Variants in CPVL observed in about 807,000 individuals in gnomAD.
The protein encoded by CPVL is carboxypeptidase vitellogenic like, also known as probable serine carboxypeptidase CPVL.
Under a neutral mutation model 63.7 loss-of-function variants are expected in CPVL, and 51 were observed. The ratio of observed to expected loss-of-function variants is 0.80; its 90% CI spans 0.64 to 1.01. The LOEUF is 1.01. Among genes scored for constraint, CPVL ranks in the 50% least tolerant of loss-of-function variants. The pLI, the probability that CPVL is intolerant of heterozygous loss-of-function variation, is 0.00. For missense variants in CPVL, 530 were observed against 573.1 expected (o/e 0.92, Z 0.77); for synonymous variants, 195 against 206.0 (o/e 0.95, Z 0.46).
intron 11 of CPVL, among the ~76,000 whole-genome samples, chr7:29,047,223 G>C (rs142164914): frequency 3.8e-4 from 58 of 152,252 alleles, no homozygotes; most frequent in African/African-American, 1.3e-3. Context: ...AATGCAAAGG[G>C]AGCCATTTGC....
At chr7:29,026,436 C>T (rs1348805810) in intron 12 of CPVL, among the ~76,000 whole-genome samples, 1 of 151,884 alleles carries the variant, frequency 6.6e-6, no homozygotes, top group African/African-American at 2.4e-5. Flanking sequence ...ACAAACCAAA[C>T]CCATTATCTT....
intron 5 of CPVL, among the ~76,000 whole-genome samples, chr7:29,154,159 T>C (rs541417924): frequency 2.4e-4 from 37 of 152,246 alleles, no homozygotes; most frequent in Admixed American, 1.8e-3. Flanking sequence ...ATTCTGACAG[T>C]TGCCCCTGGG....
At chr7:29,152,896 A>G (rs944383180) in intron 5 of CPVL, among the ~76,000 whole-genome samples, 1 of 152,208 alleles carries the variant, frequency 6.6e-6, no homozygotes, top group Non-Finnish European at 1.5e-5. Context: ...AGGACCTCAG[A>G]ATTCTTTGCC....
At chr7:29,184,269 G>A (rs1798442007) in intron 4 of CPVL, among the ~76,000 whole-genome samples, 1 of 150,004 alleles carries the variant, frequency 6.7e-6, no homozygotes, top group African/African-American at 2.4e-5. Context: ...GATATATAGT[G>A]GATATATATG....
intron 12 of CPVL, among the ~76,000 whole-genome samples, chr7:28,999,626 G>A (rs1204125534): frequency 6.6e-6 from 1 of 152,152 alleles, no homozygotes; most frequent in African/African-American, 2.4e-5. Flanking sequence ...GTGAAGGAGC[G>A]CTGAAGGGGT....
intron 1 of CPVL, among the ~76,000 whole-genome samples, chr7:29,142,346 G>A (rs1182034778): frequency 6.6e-6 from 1 of 152,020 alleles, no homozygotes; most frequent in Non-Finnish European, 1.5e-5. Context: ...CACCCCTTGA[G>A]TATTAATCAC....
At chr7:29,156,584 G>A (rs547569063) in intron 5 of CPVL, among the ~76,000 whole-genome samples, 3 of 152,254 alleles carry the variant, frequency 2.0e-5, no homozygotes, top group African/African-American at 7.2e-5. Context: ...AGGCATCCCC[G>A]ATAAAGGTCA....
chr7:28,997,142 G>A (rs533845192), intron 12 of CPVL, among the ~76,000 whole-genome samples: 43 of 152,328 alleles, frequency 2.8e-4, no homozygotes, highest in African/African-American at 9.4e-4. Flanking sequence ...AGTGCCAAAA[G>A]GGCAAGGACT....
chr7:29,101,885 T>C (rs768648606), intron 3 of CPVL, among the ~76,000 whole-genome samples: 15 of 152,078 alleles, frequency 9.9e-5, no homozygotes, highest in Non-Finnish European at 1.9e-4. Flanking sequence ...GGCTATACTC[T>C]ATATATGCTT....
At chr7:29,187,494 T>C (rs186929837) in intron 1 of CPVL, among the ~76,000 whole-genome samples, 424 of 152,032 alleles carry the variant, frequency 2.8e-3, no homozygotes, top group African/African-American at 6.4e-3. Context: ...GAGGCCGAGG[T>C]GGGCGGATCA....
upstream of CPVL, chr7:29,147,152 C>T: frequency 1.4e-6 from 1 of 739,014 alleles, no homozygotes; most frequent in Admixed American, 3.0e-5. Flanking sequence ...TTATTAGCCA[C>T]CACCAGGTGC....
intron 1 of CPVL, among the ~76,000 whole-genome samples, chr7:29,132,960 A>G (rs1790842191): frequency 6.6e-6 from 1 of 152,208 alleles, no homozygotes; most frequent in Non-Finnish European, 1.5e-5. Flanking sequence ...AACCCTGAAA[A>G]GAGAAAGTGG....
rs1235730878 is a variant in CPVL, at chr7:29,142,736, G to C, written c.-11+3693C>G. Reference sequence around the variant, plus strand: ...ACACAGGGTTTCACCATGTTGGCCAGGCTGGTCTCAAACTCCTGACCTCAG... The same window carrying C: ...ACACAGGGTTTCACCATGTTGGCCACGCTGGTCTCAAACTCCTGACCTCAG... On this transcript the variant is annotated intron_variant, in intron 1 of 12. Coordinates refer to ENST00000265394, the MANE Select transcript of CPVL (RefSeq NM_031311.5). Among the ~76,000 whole-genome samples, 10 of 151,930 alleles carry C rather than the reference G, an allele frequency of 6.6e-5. No homozygotes were observed. The South Asian group carries it at 1.9e-3, about 29-fold the overall frequency.
At chr7:29,123,215 T>C (rs968675517) in intron 1 of CPVL, among the ~76,000 whole-genome samples, 2 of 152,110 alleles carry the variant, frequency 1.3e-5, no homozygotes, top group South Asian at 2.1e-4. Flanking sequence ...CATGAAAATA[T>C]TGGTTATAGC....
intron 1 of CPVL, chr7:29,192,590 T>C (rs1562818746): frequency 6.6e-6 from 1 of 152,230 alleles, no homozygotes; most frequent in Non-Finnish European, 1.5e-5. Flanking sequence ...TTTCAAACTA[T>C]ACATTCCTTC....
At chr7:29,005,575 G>A (rs1024520816) in intron 12 of CPVL, among the ~76,000 whole-genome samples, 3 of 151,986 alleles carry the variant, frequency 2.0e-5, no homozygotes, top group Non-Finnish European at 2.9e-5. Context: ...CCCTGCCAAT[G>A]CCATGATCCA....
intron 1 of CPVL, among the ~76,000 whole-genome samples, chr7:29,137,728 T>A (rs1353226146): frequency 1.3e-5 from 2 of 152,212 alleles, no homozygotes; most frequent in Admixed American, 6.5e-5. Context: ...ACTCTCACTA[T>A]CTGCCCAAAT....
chr7:29,115,448 G>C (rs1334401024), intron 2 of CPVL, among the ~76,000 whole-genome samples: 1 of 152,116 alleles, frequency 6.6e-6, no homozygotes, highest in Non-Finnish European at 1.5e-5. Context: ...TGGGGAAAGT[G>C]GTTTTTGCCA....
intron 1 of CPVL, among the ~76,000 whole-genome samples, chr7:29,189,610 CAT>C (rs1322764615): frequency 6.6e-6 from 1 of 152,146 alleles, no homozygotes; most frequent in Admixed American, 6.5e-5. Context: ...CAGAAGAAAA[CAT>C]ATTCAATGAG....
Sources: gnomAD v4.1 joint callset for allele counts (sites outside exome capture counted in the v4.1 genomes callset) on GRCh38, gnomAD v4.1.1 for gene constraint, MANE v1.5 for transcripts, NCBI Gene and HGNC (gene_info 2026-07-23, HGNC 2026-07-21) for gene names.